Variants in IGF2BP3 observed in about 807,000 individuals in gnomAD.
The protein encoded by IGF2BP3 is insulin-like growth factor 2 mRNA-binding protein 3.
Under a neutral mutation model 73.8 loss-of-function variants are expected in IGF2BP3, and 9 were observed. The ratio of observed to expected loss-of-function variants is 0.12; its 90% CI spans 0.07 to 0.21. The LOEUF (loss-of-function observed/expected upper bound fraction) is 0.21. IGF2BP3 is among the 10% of genes least tolerant of loss of function. The pLI, the probability that IGF2BP3 is intolerant of heterozygous loss-of-function variation, is 1.00. For missense variants in IGF2BP3, 542 were observed against 714.0 expected (o/e 0.76, Z 2.75); for synonymous variants, 258 against 256.7 (o/e 1.01, Z -0.05).
intron 3 of IGF2BP3, among the ~76,000 whole-genome samples, chr7:23,369,866 G>A (rs980487779): frequency 6.6e-6 from 1 of 152,016 alleles, no homozygotes; most frequent in African/African-American, 2.4e-5. Flanking sequence ...TTTATGTTCT[G>A]CAGATAAGCC....
chr7:23,387,548 T>C (rs1786125917), intron 3 of IGF2BP3, among the ~76,000 whole-genome samples: 1 of 152,130 alleles, frequency 6.6e-6, no homozygotes, highest in Non-Finnish European at 1.5e-5. Flanking sequence ...TTAATGTTAA[T>C]AACAGAGAAG....
intron 12 of IGF2BP3, among the ~76,000 whole-genome samples, chr7:23,315,580 C>A: frequency 6.6e-6 from 1 of 152,144 alleles, no homozygotes; most frequent in East Asian, 1.9e-4. Flanking sequence ...ACCCAACACG[C>A]GTTCACTGAT....
intron 3 of IGF2BP3, among the ~76,000 whole-genome samples, chr7:23,404,132 G>GA (rs1490624221): frequency 1.3e-5 from 2 of 148,898 alleles, no homozygotes; most frequent in South Asian, 2.1e-4. Flanking sequence ...ACAGAGTCTT[G>GA]AAAAAATCAA....
At chr7:23,431,632 G>A (rs183929303) in intron 2 of IGF2BP3, among the ~76,000 whole-genome samples, 6 of 150,504 alleles carry the variant, frequency 4.0e-5, no homozygotes, top group Non-Finnish European at 8.8e-5. Flanking sequence ...CAGGAGGAAG[G>A]AAGGGGGAAA....
intron 5 of IGF2BP3, among the ~76,000 whole-genome samples, chr7:23,355,280 G>A (rs1785066911): frequency 6.7e-6 from 1 of 150,350 alleles, no homozygotes; most frequent in South Asian, 2.1e-4. Flanking sequence ...GGAGCGCAAT[G>A]ACGCGATCTC....
chr7:23,351,706 C>T, intron 5 of IGF2BP3, 120 bp from the exon 6 acceptor site: 4 of 1,062,016 alleles, frequency 3.8e-6, no homozygotes, highest in Non-Finnish European at 5.4e-6. Context: ...TGAGTGAAGC[C>T]CCAGCACAAG....
chr7:23,338,815 T>C (rs1343149836), intron 10 of IGF2BP3, among the ~76,000 whole-genome samples: 1 of 152,360 alleles, frequency 6.6e-6, no homozygotes, highest in South Asian at 2.1e-4. Context: ...ACTTTACAGA[T>C]TGTCAATCAA....
chr7:23,340,849 CTTTTTTT>C (rs551566879), intron 10 of IGF2BP3, among the ~76,000 whole-genome samples: 34 of 139,380 alleles, frequency 2.4e-4, no homozygotes, highest in African/African-American at 6.9e-4. Flanking sequence ...TTTTCTTTTT[CTTTTTTT>C]TTTTTTTTTC....
intron 3 of IGF2BP3, among the ~76,000 whole-genome samples, chr7:23,368,343 A>AAAAGAAAGAGAAAGAAAGAAAG (rs139877117): frequency 6.2e-4 from 85 of 138,028 alleles, no homozygotes; most frequent in African/African-American, 2.3e-3. Flanking sequence ...AAGAAAGAAA[A>AAAAGAAAGAGAAAGAAAGAAAG]AAAGAAAGAA....
At position 23,312,433 on chromosome 7, in the gene IGF2BP3, G is replaced by A. The variant is rs1414875821; in HGVS notation, c.1669C>T (p.Leu557=). 1.2e-6 allele frequency: 2 copies of A among 1,613,888 alleles called. No individual in the cohort carries two copies. The highest frequency in any genetic ancestry group is 1.1e-5 in the South Asian group (1 of 91,078). ...QVAQRKIQEI[L]TQVKQHQQQK... is the part of the protein sequence containing the mutation. ...TGTTGGTGCTGCTTTACCTGAGTCA[G>A]AATTTCCTGAATTTTTCTCTGGGCA... The change falls in exon 15 of 15, where the codon CTG becomes TTG. Residue 557 remains leucine, a synonymous_variant. Transcript: ENST00000258729.
chr7:23,354,968 C>G (rs1385803402), intron 5 of IGF2BP3, among the ~76,000 whole-genome samples: 4 of 152,160 alleles, frequency 2.6e-5, no homozygotes, highest in East Asian at 1.9e-4. Context: ...ATTGCAGCTC[C>G]TAAATTACTG....
intron 2 of IGF2BP3, among the ~76,000 whole-genome samples, chr7:23,437,657 A>T (rs1242875685): frequency 6.6e-6 from 1 of 152,200 alleles, no homozygotes; most frequent in Non-Finnish European, 1.5e-5. Context: ...TAGCCAGCAA[A>T]ACAAAGTCAT....
intron 10 of IGF2BP3, among the ~76,000 whole-genome samples, chr7:23,341,768 A>G (rs1784718686): frequency 6.6e-6 from 1 of 152,024 alleles, no homozygotes; most frequent in Admixed American, 6.5e-5. Flanking sequence ...AAAAAAAAGA[A>G]AAAAGAAAAA....
rs1164801225 is a variant in IGF2BP3, at chr7:23,311,723, C to T, written c.*639G>A. The T allele has an allele frequency of 7.1e-6, 1 of 141,730 alleles. No homozygotes were observed. Among genetic ancestry groups the T allele is most frequent in the Non-Finnish European group, 1.6e-5 (1 of 60,880 alleles). The allele number at this position is 141,730 out of a possible 1,614,324, so 8.8% of individuals were successfully genotyped here. On this transcript the variant is annotated 3_prime_UTR_variant, in exon 15 of 15. Transcript: ENST00000258729. ...TATTTTTTAAAAAACGGTTGGACTT[C>T]TATCATTATAAAGTATATAAAATTT...
In IGF2BP3 at chr7:23,351,331, C is replaced by T; in HGVS notation, c.657G>A (p.Arg219=). 6.2e-7 allele frequency: 1 copy of T among 1,613,864 alleles called. No homozygotes were observed. Among genetic ancestry groups the T allele is most frequent in the Non-Finnish European group, 8.5e-7 (1 of 1,179,870 alleles). Residue 219 remains arginine (R), a synonymous_variant, in exon 6 of 15, where the codon CGG becomes CGA. Coordinates refer to ENST00000258729, the MANE Select transcript of IGF2BP3 (RefSeq NM_006547.3). ...TAGACTGGGTCTGTTTGGTGATGTT[C>T]CGAATGGTGGCACCTTCTTTTCCTA... The part of the protein sequence containing the change: ...AIIGKEGATI[R]NITKQTQSKI...
rs181343766 is a variant in IGF2BP3, at chr7:23,319,278, A to G, written c.1204-24T>C. On this transcript the variant is annotated intron_variant, in intron 10 of 14. Transcript: ENST00000258729. ...TGCTGTTAGAAAAGAAAGCCAGGAC[A>G]CCCATGTTTATTTGCTACAAATCAG... The G allele has an allele frequency of 2.7e-3, 3,962 of 1,469,678 alleles. 19 individuals are homozygous for G. Among genetic ancestry groups the G allele is most frequent in the South Asian group, 0.016 (1,356 of 85,520 alleles). 91.0% of individuals were successfully genotyped at this position (1,469,678 alleles called of 1,614,324 possible). A position where few individuals can be genotyped will look rare whatever the true frequency, so the allele number is the denominator to read the frequency against.
chr7:23,343,390 G>GTT (rs1784757375), intron 9 of IGF2BP3, among the ~76,000 whole-genome samples: 1 of 152,178 alleles, frequency 6.6e-6, no homozygotes, highest in Non-Finnish European at 1.5e-5. Flanking sequence ...TCCAGTTCAT[G>GTT]TAACATTTCT....
chr7:23,361,218 C>T (rs1036540873), intron 5 of IGF2BP3: 2 of 225,876 alleles, frequency 8.9e-6, no homozygotes, highest in South Asian at 1.5e-4. Flanking sequence ...GAGGGGGAGA[C>T]GGGGAGAGAC....
intron 3 of IGF2BP3, among the ~76,000 whole-genome samples, chr7:23,378,999 T>C (rs1170650971): frequency 6.6e-6 from 1 of 152,176 alleles, no homozygotes; most frequent in East Asian, 1.9e-4. Context: ...ACCAACTCAT[T>C]GTGGCATATT....
Sources: gnomAD v4.1 joint callset for allele counts (sites outside exome capture counted in the v4.1 genomes callset) on GRCh38, gnomAD v4.1.1 for gene constraint, MANE v1.5 for transcripts, NCBI Gene and HGNC (gene_info 2026-07-23, HGNC 2026-07-21) for gene names.